The following NBAS variants were observed in gnomAD, a reference collection of about 807,000 sequenced individuals.
The protein encoded by NBAS is NAG/BC035112 fusion.
Under a neutral mutation model 302.5 loss-of-function variants are expected in NBAS, and 219 were observed. That is an observed-to-expected ratio of 0.72 (90% CI 0.65 to 0.81). The LOEUF is 0.81. NBAS is among the 30% of genes least tolerant of loss of function. NBAS has a pLI of 0.00. For synonymous variants in NBAS, 1,118 were observed against 1,021.6 expected (o/e 1.09, Z -1.80); for missense variants, 2,932 against 2,841.6 (o/e 1.03, Z -0.72).
chr2:15,473,981 T>G lies in NBAS; in HGVS notation c.1599+86A>C, dbSNP rs1289290833. 15 of 1,531,920 alleles carry G rather than the reference T, an allele frequency of 9.8e-6. No homozygotes were observed. In the East Asian group the frequency reaches 2.9e-4, roughly 30 times the overall value. The allele number at this position is 1,531,920 out of a possible 1,614,324, so 94.9% of individuals were successfully genotyped here. A position where few individuals can be genotyped will look rare whatever the true frequency, so the allele number is the denominator to read the frequency against. On this transcript the variant is annotated intron_variant, in intron 15 of 51. Transcript: ENST00000281513. ...TGATCCAACATCCCTCTTGAAATTT[T>G]CTCCTTTATTAAAAAATTAACTTTT...
intron 6 of NBAS, among the ~76,000 whole-genome samples, chr2:15,549,857 A>C (rs532904481): frequency 9.5e-4 from 144 of 151,786 alleles, no homozygotes; most frequent in African/African-American, 3.3e-3. Context: ...ATTATCTGTT[A>C]TCTCTCTCTC....
At chr2:14,996,113 G>A in the NBAS span, among the ~76,000 whole-genome samples, 1 of 152,104 alleles carries the variant, frequency 6.6e-6, no homozygotes, top group East Asian at 1.9e-4. Context: ...ACAGTGCTTG[G>A]CACACAGATC....
chr2:15,171,422 C>G (rs1045234537), intron 51 of NBAS, among the ~76,000 whole-genome samples: 8 of 152,112 alleles, frequency 5.3e-5, no homozygotes, highest in Non-Finnish European at 1.0e-4. Context: ...TCATTATATG[C>G]TAAGAATTTT....
At chr2:15,309,277 C>T in intron 38 of NBAS, 30 bp from the exon 39 acceptor site, 1 of 1,570,952 alleles carries the variant, frequency 6.4e-7, no homozygotes, top group Non-Finnish European at 8.7e-7. Context: ...CATTATTTTA[C>T]TGAGGTTGCA....
chr2:15,313,990 G>A (rs985551525), intron 38 of NBAS, among the ~76,000 whole-genome samples: 5 of 152,176 alleles, frequency 3.3e-5, no homozygotes, highest in Non-Finnish European at 7.3e-5. Flanking sequence ...ATTCTTCAGT[G>A]ATTGGGTTCT....
At chr2:15,430,471 C>A (rs575254065) in intron 21 of NBAS, among the ~76,000 whole-genome samples, 1 of 152,214 alleles carries the variant, frequency 6.6e-6, no homozygotes, top group Non-Finnish European at 1.5e-5. Flanking sequence ...ACTGACTGAT[C>A]TCCTACTATG....
chr2:15,398,103 G>A (rs1572782736), intron 26 of NBAS, among the ~76,000 whole-genome samples: 1 of 150,668 alleles, frequency 6.6e-6, no homozygotes, highest in African/African-American at 2.4e-5. Flanking sequence ...GTGTGTGTGT[G>A]TGTGTTTGTG....
the NBAS span, among the ~76,000 whole-genome samples, chr2:14,803,405 A>G: frequency 9.1e-4 from 138 of 152,056 alleles, no homozygotes; most frequent in Non-Finnish European, 2.1e-4. Flanking sequence ...TTCTGTGGTA[A>G]TTTGCCTTTT....
intron 13 of NBAS, among the ~76,000 whole-genome samples, chr2:15,476,834 A>C (rs1680214589): frequency 6.6e-6 from 1 of 152,238 alleles, no homozygotes; most frequent in Non-Finnish European, 1.5e-5. Context: ...GTTATACAAA[A>C]CATATGATGT....
At chr2:14,923,834 G>A in the NBAS span, among the ~76,000 whole-genome samples, 1 of 152,152 alleles carries the variant, frequency 6.6e-6, no homozygotes, top group East Asian at 1.9e-4. Flanking sequence ...TGGGGATGGG[G>A]TGTCCTAATC....
the NBAS span, among the ~76,000 whole-genome samples, chr2:14,979,170 A>C: frequency 6.6e-6 from 1 of 152,228 alleles, no homozygotes; most frequent in African/African-American, 2.4e-5. Flanking sequence ...CAATAACACT[A>C]TAAAATATTG....
At chr2:15,222,245 T>C (rs1261935168) in intron 47 of NBAS, among the ~76,000 whole-genome samples, 1 of 152,176 alleles carries the variant, frequency 6.6e-6, no homozygotes, top group Non-Finnish European at 1.5e-5. Flanking sequence ...ATTAGAAAAA[T>C]GTATGGGCTG....
chr2:15,418,682 G>T (rs149268924), intron 23 of NBAS, among the ~76,000 whole-genome samples: 365 of 152,266 alleles, frequency 2.4e-3, no homozygotes, highest in African/African-American at 8.1e-3. Context: ...GAATCAAAGG[G>T]TATTTGTGAG....
chr2:14,784,014 T>C, the NBAS span, among the ~76,000 whole-genome samples: 12 of 152,160 alleles, frequency 7.9e-5, no homozygotes, highest in African/African-American at 2.9e-4. Context: ...ATTGCCACTC[T>C]AACTGGTGTG....
intron 28 of NBAS, chr2:15,393,730 G>A: frequency 2.1e-6 from 1 of 470,320 alleles, no homozygotes; most frequent in Non-Finnish European, 4.4e-6. Context: ...TAAACAGGCT[G>A]TGAAAAATCC....
At chr2:15,324,610 G>A (rs553335888) in intron 38 of NBAS, among the ~76,000 whole-genome samples, 33 of 152,136 alleles carry the variant, frequency 2.2e-4, no homozygotes, top group African/African-American at 5.5e-4. Context: ...CTATCATAGC[G>A]CCTGTCACTC....
the NBAS span, among the ~76,000 whole-genome samples, chr2:14,816,121 G>A: frequency 2.0e-5 from 3 of 152,008 alleles, no homozygotes; most frequent in African/African-American, 7.3e-5. Flanking sequence ...ATTTTCAATG[G>A]CTCTCTAGAC....
the NBAS span, among the ~76,000 whole-genome samples, chr2:15,158,124 C>T: frequency 6.6e-6 from 1 of 152,130 alleles, no homozygotes; most frequent in Non-Finnish European, 1.5e-5. Context: ...TAGGATGGAC[C>T]AGCTCAAGGC....
the NBAS span, among the ~76,000 whole-genome samples, chr2:14,873,035 G>A: frequency 8.5e-5 from 13 of 152,222 alleles, no homozygotes; most frequent in African/African-American, 1.2e-4. Flanking sequence ...ACGTGCGGAA[G>A]GGGACTCTCG....
Sources: gnomAD v4.1 joint callset for allele counts (sites outside exome capture counted in the v4.1 genomes callset) on GRCh38, gnomAD v4.1.1 for gene constraint, MANE v1.5 for transcripts, NCBI Gene and HGNC (gene_info 2026-07-23, HGNC 2026-07-21) for gene names.